The following TUNAR variants were observed in gnomAD, a reference collection of about 807,000 sequenced individuals.
The protein encoded by TUNAR is protein TUNAR.
chr14:95,909,282 CTTTTTTT>C (rs3044246), intron 2 of TUNAR, among the ~76,000 whole-genome samples: 1 of 125,960 alleles, frequency 7.9e-6, no homozygotes, highest in Non-Finnish European at 1.6e-5. Context: ...GCTGCCATCT[CTTTTTTT>C]TTTTTTTTTT....
At chr14:95,897,089 A>G (rs1034827666) in intron 2 of TUNAR, among the ~76,000 whole-genome samples, 2 of 152,272 alleles carry the variant, frequency 1.3e-5, no homozygotes, top group African/African-American at 4.8e-5. Context: ...AGGCAAGTAT[A>G]TCATAAAAGC....
intron 2 of TUNAR, among the ~76,000 whole-genome samples, chr14:95,884,337 G>A (rs900361611): frequency 1.3e-5 from 2 of 152,028 alleles, no homozygotes; most frequent in Non-Finnish European, 1.5e-5. Context: ...TCATGTCACA[G>A]CCCTAGAACC....
chr14:95,892,417 A>G (rs1167410074), intron 2 of TUNAR, among the ~76,000 whole-genome samples: 1 of 152,220 alleles, frequency 6.6e-6, no homozygotes, highest in South Asian at 2.1e-4. Flanking sequence ...GTGCGAGCAC[A>G]TTGTGTGTTC....
chr14:95,900,337 C>T (rs539995616), intron 2 of TUNAR, among the ~76,000 whole-genome samples: 3 of 152,270 alleles, frequency 2.0e-5, no homozygotes, highest in East Asian at 3.9e-4. Flanking sequence ...GGGAAAGGAG[C>T]GATGAATTGT....
chr14:95,891,008 G>A (rs957738670), intron 2 of TUNAR, among the ~76,000 whole-genome samples: 17 of 152,164 alleles, frequency 1.1e-4, no homozygotes, highest in Admixed American at 6.6e-4. Flanking sequence ...GAATCGACCC[G>A]TGTCTGGAGC....
intron 2 of TUNAR, among the ~76,000 whole-genome samples, chr14:95,885,831 C>T (rs980845883): frequency 3.3e-5 from 5 of 152,200 alleles, no homozygotes; most frequent in South Asian, 4.1e-4. Context: ...ATGTGTAAAA[C>T]GTTCAAGAAG....
At chr14:95,923,203 G>C in exon 3 of TUNAR, 1 of 353,216 alleles carries the variant, frequency 2.8e-6, no homozygotes, top group Admixed American at 4.7e-5. Flanking sequence ...GGAACTCAAC[G>C]TCTTTGGCAG....
chr14:95,884,273 A>G (rs926584855), intron 2 of TUNAR, among the ~76,000 whole-genome samples: 2 of 152,010 alleles, frequency 1.3e-5, no homozygotes, highest in African/African-American at 4.8e-5. Context: ...GCCCTGCACG[A>G]TCTGGCCCTC....
intron 2 of TUNAR, among the ~76,000 whole-genome samples, chr14:95,893,604 G>C (rs1240137059): frequency 6.6e-6 from 1 of 151,822 alleles, no homozygotes; most frequent in Admixed American, 6.6e-5. Context: ...AGCCAGCAGA[G>C]TGCCAGGGGC....
intron 2 of TUNAR, among the ~76,000 whole-genome samples, chr14:95,917,492 T>A (rs1889624292): frequency 6.6e-6 from 1 of 152,218 alleles, no homozygotes; most frequent in Non-Finnish European, 1.5e-5. Flanking sequence ...TTGATATACA[T>A]TTTAGAACCT....
intron 2 of TUNAR, among the ~76,000 whole-genome samples, chr14:95,887,453 T>G (rs1400898949): frequency 6.6e-6 from 1 of 152,222 alleles, no homozygotes; most frequent in East Asian, 1.9e-4. Context: ...CATAAGAAGC[T>G]GATGACAGCT....
intron 2 of TUNAR, among the ~76,000 whole-genome samples, chr14:95,892,835 A>G (rs1889204595): frequency 6.6e-6 from 1 of 152,192 alleles, no homozygotes; most frequent in African/African-American, 2.4e-5. Context: ...CGCAGCTCTC[A>G]TTATCTGGGA....
chr14:95,893,130 C>T (rs1242887079), intron 2 of TUNAR, among the ~76,000 whole-genome samples: 4 of 152,062 alleles, frequency 2.6e-5, no homozygotes, highest in African/African-American at 4.8e-5. Flanking sequence ...AGAGGGAACA[C>T]GGACTCTCCA....
intron 2 of TUNAR, among the ~76,000 whole-genome samples, chr14:95,883,704 G>C (rs1202682491): frequency 1.3e-5 from 2 of 151,996 alleles, no homozygotes; most frequent in African/African-American, 4.8e-5. Flanking sequence ...CTCTCACCTG[G>C]GTGCCTAGGG....
At position 95,904,189 on chromosome 14, in the gene TUNAR, A is replaced by G. The variant is rs114525677; in HGVS notation, c.13-18592A>G. 1.5e-3 allele frequency among the ~76,000 whole-genome samples: 232 copies of G among 152,278 alleles called. 1 individual carries two copies. Among genetic ancestry groups the G allele is most frequent in the African/African-American group, 5.3e-3 (219 of 41,550 alleles). ...GCTAGGTCCCTCAGCATAAACCTGG[A>G]GCCTTGCTTGATCCTGCTGGAGACA... is the stretch of plus-strand genomic sequence containing the variant. On this transcript the variant is annotated intron_variant, in intron 2 of 2. Transcript: ENST00000678517.
At chr14:95,892,471 G>A (rs141868232) in intron 2 of TUNAR, among the ~76,000 whole-genome samples, 8 of 152,394 alleles carry the variant, frequency 5.2e-5, no homozygotes, top group African/African-American at 1.2e-4. Context: ...GCCTTCCTCA[G>A]GGCTCCTGGC....
intron 2 of TUNAR, among the ~76,000 whole-genome samples, chr14:95,878,295 CTG>C (rs1169570915): frequency 6.6e-6 from 1 of 152,014 alleles, no homozygotes; most frequent in Admixed American, 6.5e-5. Context: ...ATTTAGTTAA[CTG>C]TTTGCTTAAG....
intron 2 of TUNAR, among the ~76,000 whole-genome samples, chr14:95,911,085 T>A (rs1889504570): frequency 6.6e-6 from 1 of 152,226 alleles, no homozygotes; most frequent in South Asian, 2.1e-4. Flanking sequence ...ACCTATTGCA[T>A]CTAATGAATA....
chr14:95,892,156 C>T (rs113406273), intron 2 of TUNAR, among the ~76,000 whole-genome samples: 16 of 152,346 alleles, frequency 1.1e-4, no homozygotes, highest in African/African-American at 3.4e-4. Context: ...GACACTGAGA[C>T]GCTGCCAGGG....
Sources: gnomAD v4.1 joint callset for allele counts (sites outside exome capture counted in the v4.1 genomes callset) on GRCh38, gnomAD v4.1.1 for gene constraint, MANE v1.5 for transcripts, NCBI Gene and HGNC (gene_info 2026-07-23, HGNC 2026-07-21) for gene names.